The following VWA8 variants were observed in gnomAD, a reference collection of about 807,000 sequenced individuals.
VWA8 encodes the protein von Willebrand factor A domain containing 8, also known as von Willebrand factor A domain-containing protein 8.
Under a neutral mutation model 241.5 loss-of-function variants are expected in VWA8, and 221 were observed. The ratio of observed to expected loss-of-function variants is 0.91; its 90% CI spans 0.82 to 1.02. VWA8 has a LOEUF of 1.02. Ranked by LOEUF, VWA8 falls within the 50% of genes least tolerant of loss-of-function variation. The probability of loss-of-function intolerance (pLI) is 0.00; values close to 1 mark genes in which losing one functional copy is unlikely to be tolerated. For synonymous variants in VWA8, 852 were observed against 827.1 expected (o/e 1.03, Z -0.52); for missense variants, 2,322 against 2,328.7 (o/e 1.00, Z 0.06).
intron 21 of VWA8, among the ~76,000 whole-genome samples, chr13:41,743,481 G>A (rs1216206308): frequency 1.3e-5 from 2 of 152,178 alleles, no homozygotes; most frequent in Non-Finnish European, 2.9e-5. Flanking sequence ...TGAAAGGTTG[G>A]CTATTACTTC....
intron 4 of VWA8, among the ~76,000 whole-genome samples, chr13:41,895,831 C>CTTTTTTTTTTTTT (rs59080554): frequency 1.1e-3 from 137 of 129,864 alleles, no homozygotes; most frequent in Non-Finnish European, 1.7e-3. Context: ...TGCAAATTTT[C>CTTTTTTTTTTTTT]TTTTTTTTTT....
intron 38 of VWA8, among the ~76,000 whole-genome samples, chr13:41,614,347 T>C (rs1458375610): frequency 6.6e-6 from 1 of 152,184 alleles, no homozygotes; most frequent in Admixed American, 6.5e-5. Flanking sequence ...TCCTGTGGAC[T>C]CGCAGATGTG....
intron 2 of VWA8, among the ~76,000 whole-genome samples, chr13:41,938,853 A>T (rs1877469376): frequency 6.6e-6 from 1 of 152,194 alleles, no homozygotes; most frequent in South Asian, 2.1e-4. Flanking sequence ...TTTTGTCACT[A>T]ATTCACTAAA....
At chr13:41,605,488 G>A (rs1174449295) in intron 39 of VWA8, among the ~76,000 whole-genome samples, 1 of 152,032 alleles carries the variant, frequency 6.6e-6, no homozygotes, top group Non-Finnish European at 1.5e-5. Flanking sequence ...AACAAACTAG[G>A]ACAAGAAAAA....
intron 6 of VWA8, 92 bp downstream of exon 6, chr13:41,887,105 T>C (rs1231974755): frequency 8.4e-6 from 12 of 1,428,154 alleles, no homozygotes; most frequent in Non-Finnish European, 1.1e-5. Context: ...CAGGAAGACA[T>C]TCAAAACTGC....
intron 2 of VWA8, among the ~76,000 whole-genome samples, chr13:41,944,752 C>T (rs1252567237): frequency 1.3e-5 from 2 of 152,148 alleles, no homozygotes; most frequent in African/African-American, 4.8e-5. Context: ...TGAAATGCTC[C>T]ATTTTTAGAA....
intron 37 of VWA8, among the ~76,000 whole-genome samples, chr13:41,664,776 G>A: frequency 6.6e-6 from 1 of 152,136 alleles, no homozygotes; most frequent in East Asian, 1.9e-4. Context: ...AAAAAGCTAT[G>A]AAAAGCTTAG....
intron 37 of VWA8, among the ~76,000 whole-genome samples, chr13:41,668,497 T>G (rs1462664864): frequency 6.6e-6 from 1 of 152,112 alleles, no homozygotes; most frequent in Non-Finnish European, 1.5e-5. Flanking sequence ...AGATCTGTGC[T>G]GAATAAAGAG....
chr13:41,664,551 G>C (rs1261882589), intron 37 of VWA8, among the ~76,000 whole-genome samples: 1 of 151,970 alleles, frequency 6.6e-6, no homozygotes, highest in Admixed American at 6.6e-5. Flanking sequence ...CTTGTTGTAT[G>C]GTTTCCCTCC....
chr13:41,605,072 T>C (rs941208990), intron 40 of VWA8, 96 bp downstream of exon 40: 3 of 1,175,242 alleles, frequency 2.6e-6, no homozygotes, highest in East Asian at 4.8e-5. Context: ...TTTTTCGGAC[T>C]GGCTAATTAG....
At chr13:41,885,869 CA>C in intron 8 of VWA8, 50 bp downstream of exon 8, 1 of 1,352,132 alleles carries the variant, frequency 7.4e-7, no homozygotes, top group Non-Finnish European at 1.0e-6. Context: ...GATTAACTTT[CA>C]AAATTTTTAA....
chr13:41,571,634 TCTCG>T (rs1458182151), intron 43 of VWA8, among the ~76,000 whole-genome samples: 1 of 152,048 alleles, frequency 6.6e-6, no homozygotes, highest in Non-Finnish European at 1.5e-5. Context: ...GCAGACGGAG[TCTCG>T]CTCACTCAGT....
intron 17 of VWA8, among the ~76,000 whole-genome samples, chr13:41,799,701 G>A (rs531331347): frequency 9.9e-5 from 15 of 152,242 alleles, no homozygotes; most frequent in African/African-American, 3.1e-4. Context: ...TGGCAGCCAT[G>A]ATATCATTAT....
chr13:41,715,301 T>C (rs768698816), intron 26 of VWA8, among the ~76,000 whole-genome samples: 5 of 152,002 alleles, frequency 3.3e-5, no homozygotes, highest in Non-Finnish European at 7.4e-5. Context: ...TATAATTATA[T>C]TTAGAAGTAT....
intron 40 of VWA8, among the ~76,000 whole-genome samples, chr13:41,591,871 C>T (rs1312362860): frequency 1.4e-5 from 2 of 143,832 alleles, no homozygotes; most frequent in Admixed American, 7.0e-5. Flanking sequence ...GTTGGTGGGA[C>T]TGTAAACTAG....
chr13:41,628,272 A>G (rs2044705717), intron 37 of VWA8, among the ~76,000 whole-genome samples: 1 of 152,218 alleles, frequency 6.6e-6, no homozygotes, highest in South Asian at 2.1e-4. Flanking sequence ...GGGAAGGTAA[A>G]TTAGTTCAGC....
chr13:41,826,677 C>T (rs1871180593), intron 14 of VWA8, among the ~76,000 whole-genome samples: 1 of 151,978 alleles, frequency 6.6e-6, no homozygotes, highest in African/African-American at 2.4e-5. Context: ...TAAGACATGC[C>T]TCAGCAACAC....
At chr13:41,871,053 C>G (rs2138057686) in intron 9 of VWA8, among the ~76,000 whole-genome samples, 1 of 152,182 alleles carries the variant, frequency 6.6e-6, no homozygotes, top group East Asian at 1.9e-4. Flanking sequence ...TTGAAATCAC[C>G]CTTACCTCTG....
intron 2 of VWA8, among the ~76,000 whole-genome samples, chr13:41,930,470 C>CA (rs1877052227): frequency 6.6e-6 from 1 of 152,170 alleles, no homozygotes; most frequent in Non-Finnish European, 1.5e-5. Context: ...ACCAAAATGT[C>CA]AATGGATAAA....
Sources: gnomAD v4.1 joint callset for allele counts (sites outside exome capture counted in the v4.1 genomes callset) on GRCh38, gnomAD v4.1.1 for gene constraint, MANE v1.5 for transcripts, NCBI Gene and HGNC (gene_info 2026-07-23, HGNC 2026-07-21) for gene names.